Variants in FBXL20 observed in about 807,000 individuals in gnomAD.
FBXL20 encodes F-box and leucine rich repeat protein 20.
FBXL20 carries 11 observed loss-of-function variants against 64.0 expected under a neutral mutation model. The ratio of observed to expected loss-of-function variants is 0.17; its 90% CI spans 0.11 to 0.28. The LOEUF (loss-of-function observed/expected upper bound fraction) is 0.28. FBXL20 is among the 10% of genes least tolerant of loss of function. The pLI is 1.00. For synonymous variants in FBXL20, 184 were observed against 189.0 expected (o/e 0.97, Z 0.22); for missense variants, 303 against 526.2 (o/e 0.58, Z 4.15).
At chr17:39,309,022 T>C (rs2047208443) in intron 2 of FBXL20, among the ~76,000 whole-genome samples, 1 of 152,188 alleles carries the variant, frequency 6.6e-6, no homozygotes, top group Non-Finnish European at 1.5e-5. Context: ...GTAAAAGCCT[T>C]GAGGCTTTTA....
At chr17:39,385,217 G>A (rs1393321623) in intron 1 of FBXL20, among the ~76,000 whole-genome samples, 1 of 151,894 alleles carries the variant, frequency 6.6e-6, no homozygotes, top group East Asian at 1.9e-4. Flanking sequence ...GTGAGACACT[G>A]TCTCTAGAAA....
chr17:39,316,879 C>T (rs1371866416), intron 2 of FBXL20, among the ~76,000 whole-genome samples: 1 of 152,176 alleles, frequency 6.6e-6, no homozygotes, highest in Non-Finnish European at 1.5e-5. Flanking sequence ...ATCCCAGCTA[C>T]GCAGGAGGCT....
At chr17:39,321,609 C>T (rs914651929) in intron 2 of FBXL20, among the ~76,000 whole-genome samples, 74 of 151,624 alleles carry the variant, frequency 4.9e-4, no homozygotes, top group African/African-American at 1.6e-3. Context: ...AAAACCTCAT[C>T]TCTACTAAAA....
chr17:39,289,186 G>A (rs938822535), intron 6 of FBXL20, among the ~76,000 whole-genome samples: 3 of 152,104 alleles, frequency 2.0e-5, no homozygotes, highest in Non-Finnish European at 2.9e-5. Context: ...AAATCAGGTA[G>A]TATAAGTCCC....
At chr17:39,356,870 C>T (rs1434035284) in intron 1 of FBXL20, among the ~76,000 whole-genome samples, 3 of 151,334 alleles carry the variant, frequency 2.0e-5, no homozygotes, top group African/African-American at 4.9e-5. Flanking sequence ...CACTATGTTG[C>T]CCAGGCTAGT....
At chr17:39,308,831 CT>C (rs1408706323) in intron 2 of FBXL20, among the ~76,000 whole-genome samples, 1 of 152,040 alleles carries the variant, frequency 6.6e-6, no homozygotes, top group Non-Finnish European at 1.5e-5. Context: ...TCCCAAAGTG[CT>C]GGGATTACAG....
At chr17:39,299,773 ACT>A (rs1294408912) in intron 4 of FBXL20, among the ~76,000 whole-genome samples, 2 of 150,424 alleles carry the variant, frequency 1.3e-5, no homozygotes, top group African/African-American at 4.9e-5. Context: ...ACAAAGCGAG[ACT>A]CTGTCTCAAA....
At chr17:39,270,471 G>T (rs1201900518) in intron 11 of FBXL20, among the ~76,000 whole-genome samples, 3 of 152,122 alleles carry the variant, frequency 2.0e-5, no homozygotes, top group African/African-American at 4.8e-5. Flanking sequence ...TTGAACCTGG[G>T]AGGTGGAGGT....
At chr17:39,314,986 G>A (rs950660779) in intron 2 of FBXL20, among the ~76,000 whole-genome samples, 1 of 151,486 alleles carries the variant, frequency 6.6e-6, no homozygotes, top group Non-Finnish European at 1.5e-5. Context: ...TAGTAGAGAC[G>A]GGGTTTCACC....
chr17:39,373,032 G>T (rs1248401537), intron 1 of FBXL20, among the ~76,000 whole-genome samples: 1 of 150,672 alleles, frequency 6.6e-6, no homozygotes, highest in Non-Finnish European at 1.5e-5. Context: ...CAGACTACTT[G>T]TTTTTCAAAC....
intron 2 of FBXL20, among the ~76,000 whole-genome samples, chr17:39,317,887 G>A (rs2047312367): frequency 1.3e-5 from 2 of 151,512 alleles, no homozygotes; most frequent in Non-Finnish European, 2.9e-5. Flanking sequence ...ATTTTTAGTA[G>A]AGACGGAGTT....
chr17:39,278,611 G>A lies in FBXL20; in HGVS notation c.696+2778C>T, dbSNP rs187076996. Among the ~76,000 whole-genome samples the A allele has an allele frequency of 9.8e-4, 144 of 146,278 alleles. 1 individual carries two copies. The highest frequency in any genetic ancestry group is 3.4e-3 in the African/African-American group (136 of 39,634). ...CGCCCAGGCTGGAGTACAATGGTGC[G>A]ATCTCAGCTTACTGCAACCTCCACC... is the stretch of plus-strand genomic sequence containing the variant. On this transcript the variant is annotated intron_variant, in intron 9 of 14. Coordinates refer to ENST00000264658, the MANE Select transcript of FBXL20 (RefSeq NM_032875.3).
At chr17:39,341,073 T>C (rs1270781275) in intron 2 of FBXL20, among the ~76,000 whole-genome samples, 3 of 151,890 alleles carry the variant, frequency 2.0e-5, no homozygotes, top group Non-Finnish European at 4.4e-5. Flanking sequence ...AAGCAACTAC[T>C]TTACATACAT....
At chr17:39,282,613 C>A in intron 8 of FBXL20, 116 bp downstream of exon 8, 1 of 1,361,506 alleles carries the variant, frequency 7.3e-7, no homozygotes, top group South Asian at 1.4e-5. Context: ...TGTCTTTTGT[C>A]AATAATACAC....
chr17:39,301,753 C>T (rs960018069), intron 3 of FBXL20, among the ~76,000 whole-genome samples: 2 of 151,958 alleles, frequency 1.3e-5, no homozygotes, highest in Admixed American at 6.6e-5. Context: ...AAAAATTAGT[C>T]GGGCATGGTG....
At chr17:39,262,726 C>T (rs976707772) in intron 14 of FBXL20, among the ~76,000 whole-genome samples, 1 of 151,818 alleles carries the variant, frequency 6.6e-6, no homozygotes, top group Admixed American at 6.6e-5. Context: ...CGGCCGGGCG[C>T]AGTGGCTCAT....
chr17:39,360,724 T>C (rs2047786310), intron 1 of FBXL20, among the ~76,000 whole-genome samples: 1 of 152,168 alleles, frequency 6.6e-6, no homozygotes, highest in South Asian at 2.1e-4. Flanking sequence ...ACGCTGGCCT[T>C]GCTGACCAAC....
chr17:39,345,573 C>T (rs554991504), intron 1 of FBXL20, among the ~76,000 whole-genome samples: 23 of 151,608 alleles, frequency 1.5e-4, no homozygotes, highest in African/African-American at 4.4e-4. Flanking sequence ...GAGAGTTTTG[C>T]TCTATTGCCC....
At chr17:39,331,512 A>G (rs1351389194) in intron 2 of FBXL20, among the ~76,000 whole-genome samples, 1 of 152,178 alleles carries the variant, frequency 6.6e-6, no homozygotes, top group Admixed American at 6.6e-5. Context: ...TTAAAGCCCT[A>G]CATGTGAGAT....
Sources: allele counts gnomAD v4.1 joint callset (sites outside exome capture counted in the v4.1 genomes callset), GRCh38; gene constraint gnomAD v4.1.1; transcripts MANE v1.5; gene names NCBI Gene and HGNC (gene_info 2026-07-23, HGNC 2026-07-21).